Variants in AFF2 observed in about 807,000 individuals in gnomAD.
AFF2 encodes AF4/FMR2 family member 2.
Under a neutral mutation model 76.9 loss-of-function variants are expected in AFF2, and 14 were observed. The ratio of observed to expected loss-of-function variants is 0.18; its 90% confidence interval spans 0.12 to 0.28. The LOEUF (loss-of-function observed/expected upper bound fraction) is 0.28. AFF2 is among the 10% of genes least tolerant of loss of function. The pLI, the probability that AFF2 is intolerant of heterozygous loss-of-function variation, is 1.00. For missense variants in AFF2, 868 were observed against 1,001.1 expected (o/e 0.87, Z 1.79); for synonymous variants, 398 against 366.7 (o/e 1.09, Z -0.98).
At position 148,662,063 on chromosome X, in the gene AFF2, A is replaced by T; in HGVS notation, c.336A>T (p.Pro112=). 8.3e-7 allele frequency: 1 copy of T among 1,210,893 alleles called. No homozygotes were observed. Among genetic ancestry groups the T allele is most frequent in the Non-Finnish European group, 1.1e-6 (1 of 894,652 alleles). Residue 112 remains proline (P), a synonymous_variant, in exon 3 of 21, where the codon CCA becomes CCT. Coordinates refer to ENST00000370460, the MANE Select transcript of AFF2 (RefSeq NM_002025.4). The part of the protein sequence containing the change: ...VPQNPNNKNE[P]SFFPEQKNRI... ...AGAATCCCAACAACAAAAATGAACC[A>T]AGCTTTTTTCCAGAACAAAAGAACA...
At chrX:148,739,334 T>A (rs2055322273) in intron 3 of AFF2, among the ~76,000 whole-genome samples, 1 of 111,988 alleles carries the variant, frequency 8.9e-6, no homozygotes, top group Admixed American at 9.5e-5. Context: ...ATTGTGTTAT[T>A]TTCCTGTTGG....
At chrX:148,940,607 G>A (rs2071822174) in intron 9 of AFF2, among the ~76,000 whole-genome samples, 1 of 111,544 alleles carries the variant, frequency 9.0e-6, no homozygotes, top group Admixed American at 9.5e-5. Flanking sequence ...AAATGCCTAA[G>A]TTTGTTTCCA....
chrX:148,771,138 A>G (rs1219585750), intron 3 of AFF2, among the ~76,000 whole-genome samples: 1 of 111,910 alleles, frequency 8.9e-6, no homozygotes, highest in East Asian at 2.8e-4. Flanking sequence ...GATGGAGAGA[A>G]CACAAGGAAG....
At chrX:148,860,859 G>T (rs2070840035) in intron 7 of AFF2, among the ~76,000 whole-genome samples, 1 of 111,712 alleles carries the variant, frequency 9.0e-6, no homozygotes, top group Non-Finnish European at 1.9e-5. Context: ...AACAGCTTGA[G>T]TAAACACATT....
At chrX:148,580,367 G>A (rs1270604891) in intron 1 of AFF2, among the ~76,000 whole-genome samples, 3 of 110,935 alleles carry the variant, frequency 2.7e-5, no homozygotes, top group African/African-American at 9.8e-5. Context: ...TAAAATATCC[G>A]TCATTGGATA....
At chrX:148,661,316 G>T (rs1295761696) in intron 2 of AFF2, among the ~76,000 whole-genome samples, 1 of 112,297 alleles carries the variant, frequency 8.9e-6, no homozygotes, top group African/African-American at 3.2e-5. Context: ...AATTCATACA[G>T]TTCTTTGATT....
At chrX:148,949,824 T>G (rs1200276908) in intron 9 of AFF2, among the ~76,000 whole-genome samples, 1 of 112,747 alleles carries the variant, frequency 8.9e-6, no homozygotes, top group African/African-American at 3.2e-5. Context: ...AAGCAGTTTA[T>G]TGAAATATGA....
chrX:148,620,047 T>C (rs782255490), intron 1 of AFF2, among the ~76,000 whole-genome samples: 5 of 111,896 alleles, frequency 4.5e-5, no homozygotes, highest in Non-Finnish European at 9.4e-5. Context: ...GTCCTTAGAA[T>C]GTCGATAACA....
chrX:148,520,407 A>T (rs782336444), intron 1 of AFF2, among the ~76,000 whole-genome samples: 32 of 111,963 alleles, frequency 2.9e-4, no homozygotes, highest in Non-Finnish European at 5.3e-4. Flanking sequence ...TGAAATGCCC[A>T]CCAGGGTTGA....
At chrX:148,987,262 G>C in intron 19 of AFF2, 105 bp from the exon 20 acceptor site, 1 of 760,402 alleles carries the variant, frequency 1.3e-6, no homozygotes, top group South Asian at 2.6e-5. Context: ...CTTCACTCCA[G>C]CAAATGGCAT....
At chrX:148,810,708 C>T (rs1259128155) in intron 4 of AFF2, among the ~76,000 whole-genome samples, 3 of 111,879 alleles carry the variant, frequency 2.7e-5, no homozygotes, top group Non-Finnish European at 5.6e-5. Context: ...ATAATACCTG[C>T]CCTAACTCCC....
chrX:148,672,316 G>A (rs1189343559), intron 3 of AFF2, among the ~76,000 whole-genome samples: 1 of 112,115 alleles, frequency 8.9e-6, no homozygotes, highest in East Asian at 2.8e-4. Flanking sequence ...GTTTACAAAT[G>A]CCTTCATATG....
intron 3 of AFF2, among the ~76,000 whole-genome samples, chrX:148,709,673 A>C (rs1557262725): frequency 8.9e-6 from 1 of 112,111 alleles, no homozygotes; most frequent in Non-Finnish European, 1.9e-5. Context: ...ACATACACAC[A>C]CTCGCAGGCA....
intron 1 of AFF2, among the ~76,000 whole-genome samples, chrX:148,526,366 GTTTTT>G (rs34179499): frequency 1.6e-5 from 1 of 62,732 alleles, no homozygotes; most frequent in Admixed American, 1.9e-4. Context: ...ATACAATCTT[GTTTTT>G]TTTTTTTTTT....
chrX:148,785,996 T>A (rs782431883), intron 3 of AFF2, among the ~76,000 whole-genome samples: 1 of 111,625 alleles, frequency 9.0e-6, no homozygotes, highest in Non-Finnish European at 1.9e-5. Flanking sequence ...CAATGTAACA[T>A]AGGGATAATG....
intron 9 of AFF2, among the ~76,000 whole-genome samples, chrX:148,942,147 G>A (rs1472091974): frequency 9.3e-6 from 1 of 107,832 alleles, no homozygotes; most frequent in Non-Finnish European, 1.9e-5. Flanking sequence ...AGTCATTAGC[G>A]ATGACTTCAT....
At chrX:148,721,353 C>A (rs911826121) in intron 3 of AFF2, among the ~76,000 whole-genome samples, 34 of 112,039 alleles carry the variant, frequency 3.0e-4, no homozygotes, top group African/African-American at 1.1e-3. Flanking sequence ...GGGGAAAGTC[C>A]TTCTCTGGTC....
chrX:148,635,733 G>C (rs1275472473), intron 1 of AFF2, among the ~76,000 whole-genome samples: 1 of 111,002 alleles, frequency 9.0e-6, no homozygotes, highest in Non-Finnish European at 1.9e-5. Flanking sequence ...AGATGTTTGG[G>C]CATTTCAGAA....
intron 3 of AFF2, among the ~76,000 whole-genome samples, chrX:148,776,163 T>C (rs956457188): frequency 8.9e-6 from 1 of 111,739 alleles, no homozygotes; most frequent in African/African-American, 3.3e-5. Context: ...TCCAGCTTCA[T>C]CCATGTCCCT....
Sources: allele counts gnomAD v4.1 joint callset (sites outside exome capture counted in the v4.1 genomes callset), GRCh38; gene constraint gnomAD v4.1.1; transcripts MANE v1.5; gene names NCBI Gene and HGNC (gene_info 2026-07-23, HGNC 2026-07-21).